Variants in PEBP4 observed in about 807,000 individuals in gnomAD.
PEBP4 encodes phosphatidylethanolamine-binding protein 4.
Under a neutral mutation model 23.9 loss-of-function variants are expected in PEBP4, and 22 were observed. The observed-to-expected ratio is 0.92, with a 90% CI of 0.66 to 1.31. The LOEUF (loss-of-function observed/expected upper bound fraction) is 1.31. Among genes scored for constraint, PEBP4 ranks in the 40% most tolerant of loss-of-function variants. The pLI is 0.00. For synonymous variants in PEBP4, 112 were observed against 99.3 expected (o/e 1.13, Z -0.76); for missense variants, 324 against 281.7 (o/e 1.15, Z -1.07).
chr8:22,839,040 T>C (rs1489046629), intron 3 of PEBP4, among the ~76,000 whole-genome samples: 1 of 152,218 alleles, frequency 6.6e-6, no homozygotes, highest in Non-Finnish European at 1.5e-5. Context: ...AGGATAGTGC[T>C]TTTATGAGAA....
intron 4 of PEBP4, among the ~76,000 whole-genome samples, chr8:22,768,494 T>C (rs1294629794): frequency 6.6e-6 from 1 of 152,118 alleles, no homozygotes; most frequent in African/African-American, 2.4e-5. Flanking sequence ...CCCCTGCCAA[T>C]CCAAGGCCCC....
chr8:22,713,676 G>A, intron 6 of PEBP4, 140 bp from the exon 7 acceptor site: 3 of 1,212,138 alleles, frequency 2.5e-6, no homozygotes, highest in African/African-American at 1.5e-5. Context: ...GTGGCTGGGG[G>A]AGCTTCCGGC....
In PEBP4 at chr8:22,773,528, T is replaced by C. The variant is rs150006655; in HGVS notation, c.357+44109A>G. ...TGGGGTCTCTTCCTGTGGCTCTCAC[T>C]GTCTCCTGGGGGCCTTTTCCTGGGC... On this transcript the variant is annotated intron_variant, in intron 4 of 6. Coordinates refer to ENST00000256404, the MANE Select transcript of PEBP4 (RefSeq NM_144962.3). Among the ~76,000 whole-genome samples the C allele has an allele frequency of 1.5e-3, 224 of 152,242 alleles. 1 individual carries two copies. Among genetic ancestry groups the C allele is most frequent in the Non-Finnish European group, 2.6e-3 (177 of 67,996 alleles).
chr8:22,910,127 G>A (rs999003551), intron 3 of PEBP4, among the ~76,000 whole-genome samples: 15 of 152,340 alleles, frequency 9.8e-5, no homozygotes, highest in East Asian at 5.8e-4. Context: ...TGAGAGAGTC[G>A]TTTTATCTCT....
At chr8:22,806,865 T>C (rs2128759818) in intron 4 of PEBP4, among the ~76,000 whole-genome samples, 1 of 152,250 alleles carries the variant, frequency 6.6e-6, no homozygotes, top group East Asian at 1.9e-4. Context: ...CTGTGCTTAC[T>C]GACAGCATCT....
chr8:22,895,768 C>G (rs1808578858), intron 3 of PEBP4: 1 of 152,218 alleles, frequency 6.6e-6, no homozygotes, highest in South Asian at 2.1e-4. Flanking sequence ...GCTCTATCTT[C>G]AAGTTCACTG....
At chr8:22,856,041 C>A in intron 3 of PEBP4, among the ~76,000 whole-genome samples, 1 of 93,664 alleles carries the variant, frequency 1.1e-5, no homozygotes, top group Non-Finnish European at 2.1e-5. Context: ...GGGTGAGACC[C>A]TGTCTCAAAA....
chr8:22,800,493 G>A (rs762116118), intron 4 of PEBP4, among the ~76,000 whole-genome samples: 9 of 151,968 alleles, frequency 5.9e-5, no homozygotes, highest in Non-Finnish European at 8.8e-5. Flanking sequence ...CCCTGTCCCC[G>A]CTTCAGGCAC....
chr8:22,934,896 A>T (rs948768374), intron 1 of PEBP4, among the ~76,000 whole-genome samples: 13 of 152,214 alleles, frequency 8.5e-5, no homozygotes, highest in African/African-American at 3.1e-4. Flanking sequence ...AGCTCTAAGG[A>T]CACAAATAGA....
At chr8:22,805,140 T>C (rs1156771538) in intron 4 of PEBP4, among the ~76,000 whole-genome samples, 1 of 152,196 alleles carries the variant, frequency 6.6e-6, no homozygotes, top group Non-Finnish European at 1.5e-5. Flanking sequence ...TGTGATTGCA[T>C]ACAGGTCAGC....
intron 3 of PEBP4, chr8:22,887,615 A>G (rs1268556759): frequency 1.3e-5 from 2 of 151,876 alleles, no homozygotes; most frequent in African/African-American, 4.8e-5. Flanking sequence ...ACCTTTAAAC[A>G]TCAGCCGTGT....
intron 4 of PEBP4, among the ~76,000 whole-genome samples, chr8:22,791,527 A>G (rs1445850749): frequency 6.6e-6 from 1 of 151,646 alleles, no homozygotes; most frequent in Admixed American, 6.6e-5. Context: ...TCTCCTTTTG[A>G]TATTTTCCCA....
At chr8:22,935,642 A>T (rs1209103955) in intron 1 of PEBP4, among the ~76,000 whole-genome samples, 1 of 152,234 alleles carries the variant, frequency 6.6e-6, no homozygotes, top group African/African-American at 2.4e-5. Flanking sequence ...ACCTGACCTC[A>T]TGTGATGGGT....
chr8:22,892,637 G>A (rs893372791), intron 3 of PEBP4, among the ~76,000 whole-genome samples: 2 of 152,208 alleles, frequency 1.3e-5, no homozygotes, highest in Non-Finnish European at 2.9e-5. Flanking sequence ...TTTGGGGTTG[G>A]TTATCTGTCT....
chr8:22,884,309 T>C (rs933324510), intron 3 of PEBP4: 3 of 152,210 alleles, frequency 2.0e-5, no homozygotes, highest in Admixed American at 6.5e-5. Context: ...ATCTATGAGA[T>C]AGACTCTCCT....
At chr8:22,852,763 T>C (rs1258411127) in intron 3 of PEBP4, among the ~76,000 whole-genome samples, 1 of 152,058 alleles carries the variant, frequency 6.6e-6, no homozygotes, top group Non-Finnish European at 1.5e-5. Context: ...GAGGCATCCG[T>C]CTAAATTTAC....
chr8:22,742,069 C>G (rs886323257), intron 4 of PEBP4, among the ~76,000 whole-genome samples: 1 of 152,148 alleles, frequency 6.6e-6, no homozygotes, highest in Non-Finnish European at 1.5e-5. Flanking sequence ...GCCTCACCCT[C>G]GAAGCTAGGC....
intron 3 of PEBP4, among the ~76,000 whole-genome samples, chr8:22,845,141 C>T (rs1807403348): frequency 6.6e-6 from 1 of 152,176 alleles, no homozygotes; most frequent in Non-Finnish European, 1.5e-5. Flanking sequence ...TATCAGCCTT[C>T]TAGTCCTTGA....
In PEBP4 at chr8:22,832,883, C is replaced by T. The variant is rs549118799; in HGVS notation, c.259-15148G>A. 2.2e-4 allele frequency among the ~76,000 whole-genome samples: 34 copies of T among 152,268 alleles called. 1 individual carries two copies. The South Asian group carries it at 6.8e-3, about 31-fold the overall frequency. ...AATGCCAGCCACCCACCCACAGCCC[C>T]CACCCTCACCCATCTCCTTTATCAG... is the stretch of plus-strand genomic sequence containing the variant. On this transcript the variant is annotated intron_variant, in intron 3 of 6. Transcript: ENST00000256404.
Sources: allele counts gnomAD v4.1 joint callset (sites outside exome capture counted in the v4.1 genomes callset), GRCh38; gene constraint gnomAD v4.1.1; transcripts MANE v1.5; gene names NCBI Gene and HGNC (gene_info 2026-07-23, HGNC 2026-07-21).